RECK: variants seen among roughly 807,000 people sequenced by gnomAD.
RECK encodes reversion inducing cysteine rich protein with kazal motifs.
In RECK, 69 loss-of-function variants were observed where a neutral mutation model predicts 115.1. The ratio of observed to expected loss-of-function variants is 0.60; its 90% CI spans 0.49 to 0.73. The LOEUF (loss-of-function observed/expected upper bound fraction) is 0.73, where lower values mean the gene tolerates loss of function less well. Among genes scored for constraint, RECK ranks in the 30% least tolerant of loss-of-function variants. RECK has a pLI of 0.00. For missense variants in RECK, 1,047 were observed against 1,203.7 expected (o/e 0.87, Z 1.93); for synonymous variants, 414 against 419.7 (o/e 0.99, Z 0.17).
chr9:36,073,610 A>C (rs2132608011), intron 6 of RECK, among the ~76,000 whole-genome samples: 1 of 152,282 alleles, frequency 6.6e-6, no homozygotes, highest in Non-Finnish European at 1.5e-5. Flanking sequence ...ATCTCTTTAA[A>C]GACCAAATTT....
In RECK at chr9:36,087,770, G is replaced by A. The variant is rs148788190; in HGVS notation, c.714G>A (p.Thr238=). The change falls in exon 9 of 21, where the codon ACG becomes ACA. Residue 238 remains threonine, a synonymous_variant. Coordinates refer to ENST00000377966, the MANE Select transcript of RECK (RefSeq NM_021111.3). ...AGAGAATCCTGATGTCCAAGAAAAC[G>A]GAAATGGAGATTGTTGATGGTCTCA... is the stretch of plus-strand genomic sequence containing the variant. ...ACKRILMSKK[T]EMEIVDGLIE... 4.0e-5 allele frequency: 65 copies of A among 1,613,838 alleles called. No individual in the cohort carries two copies. The highest frequency in any genetic ancestry group is 1.5e-4 in the African/African-American group (11 of 74,898).
chr9:36,053,871 G>A (rs1213901280), intron 2 of RECK, among the ~76,000 whole-genome samples: 1 of 152,120 alleles, frequency 6.6e-6, no homozygotes, highest in Non-Finnish European at 1.5e-5. Flanking sequence ...TTAACTAATT[G>A]AGAAATAAGG....
intron 11 of RECK, among the ~76,000 whole-genome samples, chr9:36,101,198 G>T (rs7856652): frequency 0.025 from 3,861 of 152,072 alleles, 177 homozygotes; most frequent in African/African-American, 0.087. Context: ...TGATCCACCC[G>T]CCTCGGCCTC....
At chr9:36,075,152 A>T (rs1397143180) in intron 6 of RECK, among the ~76,000 whole-genome samples, 1 of 152,272 alleles carries the variant, frequency 6.6e-6, no homozygotes, top group East Asian at 1.9e-4. Context: ...GCTAGTGTCC[A>T]CTAGGCCAAA....
rs1824540551 is a variant in RECK, at chr9:36,123,599, AT to A, written c.*556del. On this transcript the variant is annotated 3_prime_UTR_variant, in exon 21 of 21. Coordinates refer to ENST00000377966, the MANE Select transcript of RECK (RefSeq NM_021111.3). ...AAATTATCAGGCAAATTTGCATTAA[AT>A]TACAGAAATTTAATTCAGAACCCCA... 1 of 152,364 alleles carries A rather than the reference AT, an allele frequency of 6.6e-6. No individual in the cohort carries two copies. Among genetic ancestry groups the A allele is most frequent in the Non-Finnish European group, 1.5e-5 (1 of 68,134 alleles). The allele number at this position is 152,364 out of a possible 1,614,324, so 9.4% of individuals were successfully genotyped here.
chr9:36,052,136 T>C (rs375145347), intron 1 of RECK, 129 bp from the exon 2 acceptor site: 13 of 624,540 alleles, frequency 2.1e-5, no homozygotes, highest in African/African-American at 5.4e-5. Flanking sequence ...AGTAAAGGTT[T>C]GTTGAGTTAA....
chr9:36,121,671 TATCC>T lies in RECK; in HGVS notation c.2679_2682del (p.Tyr893Ter). On this transcript the variant is annotated frameshift_variant, in exon 20 of 21. Transcript: ENST00000377966. LOFTEE classifies it high-confidence loss of function. Reference sequence around the variant, plus strand: ...GATCCTGATCATTCCCGTCGATCACTATCCAAAAGCTCTGCAGGTGAGTTCAGCA... The same window carrying T: ...GATCCTGATCATTCCCGTCGATCACTAAAAGCTCTGCAGGTGAGTTCAGCA... The T allele has an allele frequency of 6.2e-7, 1 of 1,614,088 alleles. No individual in the cohort carries two copies. The highest frequency in any genetic ancestry group is 8.5e-7 in the Non-Finnish European group (1 of 1,179,994).
At chr9:36,082,449 A>T (rs1822758610) in intron 7 of RECK, among the ~76,000 whole-genome samples, 1 of 151,832 alleles carries the variant, frequency 6.6e-6, no homozygotes, top group Non-Finnish European at 1.5e-5. Context: ...TGTGAGCCAC[A>T]GCACCCGACC....
chr9:36,068,240 C>T (rs970649941), intron 6 of RECK, among the ~76,000 whole-genome samples: 5 of 152,024 alleles, frequency 3.3e-5, no homozygotes, highest in African/African-American at 1.2e-4. Context: ...CTAATAAATC[C>T]CAGACTAGGA....
intron 14 of RECK, among the ~76,000 whole-genome samples, chr9:36,109,104 A>G (rs573459829): frequency 6.6e-6 from 1 of 152,038 alleles, no homozygotes; most frequent in Non-Finnish European, 1.5e-5. Context: ...GCTTGACTAA[A>G]CTATGAAGGT....
At chr9:36,109,842 C>CA (rs35304496) in intron 14 of RECK, 115 bp from the exon 15 acceptor site, 166,886 of 823,408 alleles carry the variant, frequency 0.2, 1,469 homozygotes, top group East Asian at 0.32. Flanking sequence ...AGACCCTTCT[C>CA]AAAAAAAAAA....
chr9:36,054,239 C>A (rs1253610276), intron 2 of RECK, among the ~76,000 whole-genome samples: 1 of 152,054 alleles, frequency 6.6e-6, no homozygotes, highest in Non-Finnish European at 1.5e-5. Context: ...GAGTAAACAG[C>A]ATTCTTGATG....
intron 6 of RECK, among the ~76,000 whole-genome samples, chr9:36,069,642 G>A (rs967515877): frequency 5.9e-5 from 9 of 152,184 alleles, no homozygotes; most frequent in South Asian, 4.1e-4. Context: ...AAATTATATG[G>A]AAAAGAAACA....
In RECK at chr9:36,118,908, G is replaced by T; in HGVS notation, c.2405G>T (p.Cys802Phe). The T allele has an allele frequency of 6.2e-7, 1 of 1,613,652 alleles. No individual in the cohort carries two copies. Among genetic ancestry groups the T allele is most frequent in the South Asian group, 1.1e-5 (1 of 91,052 alleles). ...TCAGAGCACAGCTCCGTCGCCGAGT[G>T]TGCTTCTGTCAAGTGTCCTTCGCTC... ...VLSEHSSVAE[C>F]ASVKCPSLLA... The change falls in exon 18 of 21, where the codon TGT becomes TTT. Residue 802 changes from cysteine to phenylalanine, a missense_variant. By Grantham distance (205) the Cys-to-Phe change is radical. Coordinates refer to ENST00000377966, the MANE Select transcript of RECK (RefSeq NM_021111.3).
chr9:36,073,413 A>C (rs758316859), intron 6 of RECK, among the ~76,000 whole-genome samples: 1 of 152,070 alleles, frequency 6.6e-6, no homozygotes, highest in Non-Finnish European at 1.5e-5. Flanking sequence ...ACCTCCTGCA[A>C]ATTACTGTCT....
At chr9:36,039,377 T>A (rs1000520612) in intron 1 of RECK, among the ~76,000 whole-genome samples, 1 of 152,222 alleles carries the variant, frequency 6.6e-6, no homozygotes, top group Non-Finnish European at 1.5e-5. Context: ...GTGAAGGCTT[T>A]GCTTGTATTC....
At chr9:36,120,017 GA>G (rs1251480155) in intron 18 of RECK, among the ~76,000 whole-genome samples, 1 of 152,092 alleles carries the variant, frequency 6.6e-6, no homozygotes, top group Non-Finnish European at 1.5e-5. Flanking sequence ...GGCGGATCAC[GA>G]GATCAGGAGA....
Position 36,114,472 on chromosome 9 carries a change from G to A in RECK, c.2060+1996G>A, listed in dbSNP as rs546272053. ...GAGGAGGATTGGTACATTCTCTATG[G>A]AGGGCAGTTTGGCCAAATTTGCAGT... On this transcript the variant is annotated intron_variant, in intron 16 of 20. Coordinates refer to ENST00000377966, the MANE Select transcript of RECK (RefSeq NM_021111.3). 2.0e-5 allele frequency among the ~76,000 whole-genome samples: 3 copies of A among 152,324 alleles called. No individual in the cohort carries two copies. The South Asian group carries it at 6.2e-4, about 32-fold the overall frequency.
At chr9:36,096,496 C>T (rs974316177) in intron 10 of RECK, among the ~76,000 whole-genome samples, 15 of 151,828 alleles carry the variant, frequency 9.9e-5, no homozygotes, top group African/African-American at 3.4e-4. Context: ...GAGATTGTGC[C>T]ACTGCACTCC....
Sources: gnomAD v4.1 joint callset for allele counts (sites outside exome capture counted in the v4.1 genomes callset) on GRCh38, gnomAD v4.1.1 for gene constraint, MANE v1.5 for transcripts, NCBI Gene and HGNC (gene_info 2026-07-23, HGNC 2026-07-21) for gene names.